Variants in SCUBE2 observed in about 807,000 individuals in gnomAD.
SCUBE2 encodes signal peptide, CUB and EGF-like domain-containing protein 2.
A neutral mutation model predicts 125.9 loss-of-function variants in SCUBE2; 114 were observed. The observed-to-expected ratio is 0.91, with a 90% CI of 0.78 to 1.06. The LOEUF is 1.06. Among genes scored for constraint, SCUBE2 ranks in the 50% least tolerant of loss-of-function variants. SCUBE2 has a pLI of 0.00. For synonymous variants in SCUBE2, 459 were observed against 492.9 expected (o/e 0.93, Z 0.91); for missense variants, 1,255 against 1,301.8 (o/e 0.96, Z 0.55).
At chr11:9,076,324 G>A (rs1181002978) in intron 3 of SCUBE2, among the ~76,000 whole-genome samples, 1 of 151,990 alleles carries the variant, frequency 6.6e-6, no homozygotes, top group Non-Finnish European at 1.5e-5. Context: ...TGTCAGGGCG[G>A]CCTTAGGGGA....
chr11:9,026,111 T>G (rs1197836495), intron 20 of SCUBE2: 1 of 335,060 alleles, frequency 3.0e-6, no homozygotes, highest in African/African-American at 2.1e-5. Context: ...TACCGTTCAC[T>G]GTAGGAGCTG....
rs563155275 is a variant in SCUBE2 at position 9,035,625 on chromosome 11, T to C, written c.2003-1829A>G. ...TTTTCATCCTATTCTACAAATGCAA[T>C]TTGCATATATATTCTTAGGGTTAAA... On this transcript the variant is annotated intron_variant, in intron 16 of 22. Transcript: ENST00000649792. Among the ~76,000 whole-genome samples, 489 of 152,252 alleles carry C rather than the reference T, an allele frequency of 3.2e-3. 5 individuals carry two copies. Among genetic ancestry groups the C allele is most frequent in the African/African-American group, 0.011 (472 of 41,534 alleles).
intron 9 of SCUBE2, among the ~76,000 whole-genome samples, chr11:9,058,182 G>T (rs952663094): frequency 1.4e-4 from 22 of 152,194 alleles, no homozygotes; most frequent in East Asian, 7.7e-4. Context: ...CAAGTGCTGG[G>T]CCAGGTGCGG....
chr11:9,055,970 GT>G, intron 9 of SCUBE2, 61 bp from the exon 10 acceptor site: 2 of 1,311,364 alleles, frequency 1.5e-6, no homozygotes, highest in Non-Finnish European at 2.2e-6. Flanking sequence ...TGAAGAATAG[GT>G]TTATGATAAA....
intron 16 of SCUBE2, among the ~76,000 whole-genome samples, chr11:9,040,289 AT>A (rs1857100900): frequency 2.6e-5 from 4 of 151,448 alleles, no homozygotes; most frequent in Non-Finnish European, 5.9e-5. Context: ...AAATAAAACA[AT>A]TATCACAACA....
intron 2 of SCUBE2, among the ~76,000 whole-genome samples, chr11:9,083,641 G>A (rs982164951): frequency 6.0e-5 from 9 of 149,988 alleles, no homozygotes; most frequent in Admixed American, 1.3e-4. Context: ...TGCAACCTCC[G>A]CCCCCCAGGT....
chr11:9,062,356 C>T (rs780315619), intron 7 of SCUBE2, among the ~76,000 whole-genome samples: 3 of 152,220 alleles, frequency 2.0e-5, no homozygotes, highest in Admixed American at 6.5e-5. Flanking sequence ...AATTGACCTG[C>T]CCAAGCAAAA....
chr11:9,027,897 C>T (rs983964073), intron 19 of SCUBE2, among the ~76,000 whole-genome samples: 1 of 152,182 alleles, frequency 6.6e-6, no homozygotes, highest in Non-Finnish European at 1.5e-5. Flanking sequence ...ACCCATGAGA[C>T]AGAACTTCTA....
chr11:9,022,199 C>T (rs977903822), intron 21 of SCUBE2, among the ~76,000 whole-genome samples: 3 of 152,174 alleles, frequency 2.0e-5, no homozygotes, highest in African/African-American at 7.2e-5. Context: ...TCTGTGCATC[C>T]AGTCCAGGCT....
At chr11:9,029,783 G>A (rs2135120654) in intron 19 of SCUBE2, 101 bp downstream of exon 19, 1 of 1,290,190 alleles carries the variant, frequency 7.8e-7, no homozygotes, top group East Asian at 2.3e-5. Context: ...ACATGGTTCT[G>A]AGTGAACCTG....
rs563988925 is a variant in SCUBE2 at position 9,027,656 on chromosome 11, C to T, written c.2504-95G>A. On this transcript the variant is annotated intron_variant, in intron 19 of 22. Coordinates refer to ENST00000649792, the MANE Select transcript of SCUBE2 (RefSeq NM_001367977.2). ...GAGCCCCGCAGCACCCCTGTTGCCA[C>T]CCAGGAATGGGGCATGAAAATGACA... is the stretch of plus-strand genomic sequence containing the variant. The T allele has an allele frequency of 3.8e-6, 4 of 1,050,534 alleles. No homozygotes were observed. The East Asian group carries it at 1.0e-4, about 27-fold the overall frequency. The allele number at this position is 1,050,534 out of a possible 1,614,324, so 65.1% of individuals were successfully genotyped here. A position where few individuals can be genotyped will look rare whatever the true frequency, so the allele number is the denominator to read the frequency against.
At chr11:9,066,302 AGTGAAGGACACACC>A (rs1286872721) in intron 6 of SCUBE2, among the ~76,000 whole-genome samples, 3 of 152,362 alleles carry the variant, frequency 2.0e-5, no homozygotes, top group African/African-American at 2.4e-5. Flanking sequence ...AAATGGAGCT[AGTGAAGGACACACC>A]GTGAAGGGCA....
chr11:9,081,707 TA>T (rs1321482770), intron 2 of SCUBE2, among the ~76,000 whole-genome samples: 1 of 152,102 alleles, frequency 6.6e-6, no homozygotes, highest in African/African-American at 2.4e-5. Context: ...ATTTTGTACA[TA>T]ACACATGTTG....
In SCUBE2 at chr11:9,025,734, C is replaced by T; in HGVS notation, c.2822G>A (p.Arg941Lys). 6.2e-7 allele frequency: 1 copy of T among 1,614,202 alleles called. No individual in the cohort carries two copies. The highest frequency in any genetic ancestry group is 8.5e-7 in the Non-Finnish European group (1 of 1,180,040). Residue 941 changes from arginine (R) to lysine (K), a missense_variant, in exon 21 of 23, where the codon AGA (arginine) becomes AAA (lysine). This residue lies in a region of SCUBE2 where 515 missense variants were observed against 515.7 expected (regional missense o/e 1.00). Transcript: ENST00000649792. The stretch of plus-strand genomic sequence containing the variant: ...TGTCACGTATGGGACCTGGAACCCT[C>T]TAGCGCTGTTCCCTTCATTGGACTT... Reference protein sequence around the residue: ...QFKSNEGNSARGFQVPYVTYD... With the variant: ...QFKSNEGNSAKGFQVPYVTYD...
intron 10 of SCUBE2, among the ~76,000 whole-genome samples, chr11:9,054,961 C>T (rs927919685): frequency 1.3e-5 from 2 of 151,290 alleles, no homozygotes; most frequent in African/African-American, 2.4e-5. Context: ...CTCGAACTCC[C>T]GACCTCAGGT....
At chr11:9,083,597 C>A (rs1207649543) in intron 2 of SCUBE2, among the ~76,000 whole-genome samples, 3 of 151,628 alleles carry the variant, frequency 2.0e-5, no homozygotes, top group African/African-American at 7.3e-5. Flanking sequence ...CTCTGTCACC[C>A]AGGCTGGAGT....
intron 16 of SCUBE2, among the ~76,000 whole-genome samples, chr11:9,046,002 T>TTTC (rs2135376208): frequency 2.3e-5 from 1 of 43,870 alleles, no homozygotes; most frequent in African/African-American, 5.5e-5. Context: ...TCTTTCTTTC[T>TTTC]TTTTTTTTTT....
chr11:9,039,902 T>C (rs973707595), intron 16 of SCUBE2, among the ~76,000 whole-genome samples: 1 of 152,234 alleles, frequency 6.6e-6, no homozygotes, highest in African/African-American at 2.4e-5. Context: ...GATCGTGTTT[T>C]TAACTAAACT....
In SCUBE2 at chr11:9,030,861, G is replaced by T. The variant is rs1285524937; in HGVS notation, c.2238C>A (p.Gly746=). 1.2e-6 allele frequency: 2 copies of T among 1,614,110 alleles called. No homozygotes were observed. Among genetic ancestry groups the T allele is most frequent in the Non-Finnish European group, 1.7e-6 (2 of 1,180,044 alleles). Residue 746 remains glycine (G), a synonymous_variant, in exon 18 of 23, where the codon GGC becomes GGA. Coordinates refer to ENST00000649792, the MANE Select transcript of SCUBE2 (RefSeq NM_001367977.2). ...TTCGACCAGCTTCAGGCTGGAACGT[G>T]CCCAGGGCACAGAGCTGGCAAGGTG... ...GFAPCQLCAL[G]TFQPEAGRTS...
Sources: allele counts gnomAD v4.1 joint callset (sites outside exome capture counted in the v4.1 genomes callset), GRCh38; gene constraint gnomAD v4.1.1; regional missense constraint gnomAD v4.1.1; transcripts MANE v1.5; gene names NCBI Gene and HGNC (gene_info 2026-07-23, HGNC 2026-07-21).